The following LRRC37A2 variants were observed in gnomAD, a reference collection of about 807,000 sequenced individuals.
LRRC37A2 encodes the protein leucine-rich repeat-containing protein 37A2.
A neutral mutation model predicts 68.8 loss-of-function variants in LRRC37A2; 9 were observed. The observed-to-expected ratio is 0.13, with a 90% confidence interval of 0.08 to 0.23. The LOEUF (loss-of-function observed/expected upper bound fraction) is 0.23. Among genes scored for constraint, LRRC37A2 ranks in the 10% least tolerant of loss-of-function variants. The probability of loss-of-function intolerance (pLI) is 1.00; values close to 1 mark genes in which losing one functional copy is unlikely to be tolerated. For missense variants in LRRC37A2, 168 were observed against 950.4 expected (o/e 0.18, Z 10.82); for synonymous variants, 63 against 367.6 (o/e 0.17, Z 9.48).
At chr17:46,491,181 G>A in the LRRC37A2 span, among the ~76,000 whole-genome samples, 92 of 151,282 alleles carry the variant, frequency 6.1e-4, no homozygotes, top group Middle Eastern at 3.4e-3. Context: ...ATAGGCGTGA[G>A]CCACTGCACC....
chr17:46,905,277 T>C, the LRRC37A2 span, among the ~76,000 whole-genome samples: 21 of 152,126 alleles, frequency 1.4e-4, no homozygotes, highest in Admixed American at 8.5e-4. Flanking sequence ...GGTTTCATCA[T>C]GTTGGCCAGG....
chr17:46,967,529 GGA>G, the LRRC37A2 span, among the ~76,000 whole-genome samples: 1 of 152,202 alleles, frequency 6.6e-6, no homozygotes. Flanking sequence ...GCGAAGAGAA[GGA>G]GAGAGGCATT....
At chr17:46,439,385 CA>C in the LRRC37A2 span, among the ~76,000 whole-genome samples, 23,157 of 136,868 alleles carry the variant, frequency 0.17, 1,852 homozygotes, top group Middle Eastern at 0.23. Context: ...TACATAGAGC[CA>C]AAAAAAAAAA....
the LRRC37A2 span, among the ~76,000 whole-genome samples, chr17:46,890,568 C>T: frequency 2.6e-5 from 4 of 152,198 alleles, no homozygotes; most frequent in African/African-American, 9.6e-5. Context: ...TGAGAATTCC[C>T]AGGGCTGTGA....
At chr17:46,724,954 C>G in the LRRC37A2 span, among the ~76,000 whole-genome samples, 3 of 152,104 alleles carry the variant, frequency 2.0e-5, no homozygotes, top group African/African-American at 7.2e-5. Flanking sequence ...CTTAATATTT[C>G]TACTTGAATT....
the LRRC37A2 span, among the ~76,000 whole-genome samples, chr17:46,780,329 C>T: frequency 6.6e-6 from 1 of 152,194 alleles, no homozygotes; most frequent in African/African-American, 2.4e-5. Flanking sequence ...GGTAGGCAGT[C>T]CTGCACCCAA....
chr17:46,595,492 CTTTTT>C, the LRRC37A2 span, among the ~76,000 whole-genome samples: 1 of 96,120 alleles, frequency 1.0e-5, no homozygotes, highest in Non-Finnish European at 1.8e-5. Flanking sequence ...ATCACTGGAT[CTTTTT>C]TTTTTTTTTT....
chr17:46,878,402 C>G, the LRRC37A2 span, among the ~76,000 whole-genome samples: 6 of 152,196 alleles, frequency 3.9e-5, no homozygotes, highest in African/African-American at 1.4e-4. Flanking sequence ...GAGGAGCTGC[C>G]CAGTCTCCAG....
At chr17:46,887,859 G>C in the LRRC37A2 span, among the ~76,000 whole-genome samples, 1 of 152,148 alleles carries the variant, frequency 6.6e-6, no homozygotes, top group African/African-American at 2.4e-5. Flanking sequence ...CTGGGCCCCA[G>C]GGATGAAGCA....
At chr17:46,736,685 C>T in the LRRC37A2 span, among the ~76,000 whole-genome samples, 1 of 152,088 alleles carries the variant, frequency 6.6e-6, no homozygotes, top group Non-Finnish European at 1.5e-5. Context: ...TCCTTAATTC[C>T]ATTGCTTTGG....
chr17:47,002,119 T>C, the LRRC37A2 span, among the ~76,000 whole-genome samples: 9 of 152,188 alleles, frequency 5.9e-5, no homozygotes, highest in African/African-American at 2.2e-4. Context: ...GTGTATTTTT[T>C]TGGTCAGGTT....
At chr17:46,940,855 G>T in the LRRC37A2 span, 2 of 1,436,556 alleles carry the variant, frequency 1.4e-6, no homozygotes, top group Non-Finnish European at 9.1e-7. Context: ...GGACACCCAG[G>T]GGCATTGAGA....
chr17:46,899,883 T>C, the LRRC37A2 span, among the ~76,000 whole-genome samples: 1 of 151,842 alleles, frequency 6.6e-6, no homozygotes, highest in Non-Finnish European at 1.5e-5. Flanking sequence ...ATTAAGGAGA[T>C]ATATAGTGGG....
chr17:47,028,735 C>T, the LRRC37A2 span, among the ~76,000 whole-genome samples: 2 of 151,258 alleles, frequency 1.3e-5, no homozygotes, highest in African/African-American at 4.9e-5. Flanking sequence ...TAGTGAAACC[C>T]TGTCCCTACT....
chr17:46,534,405 G>A lies in LRRC37A2; in HGVS notation c.2907-5771G>A, dbSNP rs973488742. On this transcript the variant is annotated intron_variant, in intron 6 of 14. Coordinates refer to ENST00000576629, the Ensembl canonical transcript of LRRC37A2. ...TTAGGGAGTGGTGATGACTCTTAAC[G>A]AGCATGCTGCTTTCAAGCATCTGTT... Among the ~76,000 whole-genome samples, 14 of 147,278 alleles carry A rather than the reference G, an allele frequency of 9.5e-5. 1 individual carries two copies. The highest frequency in any genetic ancestry group is 3.1e-4 in the African/African-American group (12 of 38,448).
chr17:46,558,839 T>A (rs1387802954), downstream of LRRC37A2: 8 of 10,048 alleles, frequency 8.0e-4, no homozygotes, highest in South Asian at 0.05. Context: ...TTTTATTCTT[T>A]TTTTTTTTTT....
intron 8 of LRRC37A2, among the ~76,000 whole-genome samples, chr17:46,543,139 C>G (rs1291396912): frequency 3.3e-5 from 5 of 150,164 alleles, no homozygotes; most frequent in Non-Finnish European, 5.9e-5. Flanking sequence ...ATGCTCTCAT[C>G]CTCTGTAATG....
the LRRC37A2 span, among the ~76,000 whole-genome samples, chr17:46,838,733 TA>T: frequency 6.6e-6 from 1 of 152,188 alleles, no homozygotes; most frequent in African/African-American, 2.4e-5. Context: ...GTTGTTTTAA[TA>T]AGCATATATC....
the LRRC37A2 span, chr17:46,876,732 C>A: frequency 4.6e-5 from 70 of 1,517,174 alleles, no homozygotes; most frequent in East Asian, 5.1e-4. Flanking sequence ...TACTGCCCAG[C>A]AAGCCAGTCT....
Sources: gnomAD v4.1 joint callset for allele counts (sites outside exome capture counted in the v4.1 genomes callset) on GRCh38, gnomAD v4.1.1 for gene constraint, MANE v1.5 for transcripts, NCBI Gene and HGNC (gene_info 2026-07-23, HGNC 2026-07-21) for gene names.